Variants in MYO1E observed in about 807,000 individuals in gnomAD.
MYO1E encodes the protein myosin IE.
In MYO1E, 68 loss-of-function variants were observed where a neutral mutation model predicts 151.1. The ratio of observed to expected loss-of-function variants is 0.45; its 90% CI spans 0.37 to 0.55. The LOEUF is 0.55. Ranked by LOEUF, MYO1E falls within the 20% of genes least tolerant of loss-of-function variation. MYO1E has a pLI of 0.00. For synonymous variants in MYO1E, 601 were observed against 501.7 expected, an observed-to-expected ratio of 1.20 and a Z score of -2.64; for missense variants, 1,363 against 1,389.3, an observed-to-expected ratio of 0.98 and a Z score of 0.30.
At chr15:59,181,962 T>C (rs2079663867) in intron 18 of MYO1E, among the ~76,000 whole-genome samples, 1 of 152,176 alleles carries the variant, frequency 6.6e-6, no homozygotes, top group African/African-American at 2.4e-5. Flanking sequence ...TAGAGCATCA[T>C]AGGATGAGAC....
chr15:59,148,600 G>A (rs775235000), intron 26 of MYO1E, among the ~76,000 whole-genome samples: 47 of 152,178 alleles, frequency 3.1e-4, no homozygotes, highest in Non-Finnish European at 1.5e-4. Context: ...ATGTCTGCCT[G>A]GGCCAGGATA....
At chr15:59,355,166 A>G (rs1281285514) in intron 1 of MYO1E, among the ~76,000 whole-genome samples, 1 of 152,182 alleles carries the variant, frequency 6.6e-6, no homozygotes, top group Non-Finnish European at 1.5e-5. Flanking sequence ...TGCCAGAAAT[A>G]CAAACACAAA....
chr15:59,214,545 T>C, intron 11 of MYO1E, 95 bp downstream of exon 11: 2 of 1,249,252 alleles, frequency 1.6e-6, no homozygotes, highest in Admixed American at 3.4e-5. Context: ...GTTTGTTTTC[T>C]GTTTTTTTGT....
intron 4 of MYO1E, among the ~76,000 whole-genome samples, chr15:59,239,375 A>G (rs771585894): frequency 1.3e-5 from 2 of 151,726 alleles, no homozygotes; most frequent in African/African-American, 2.4e-5. Context: ...ATAAGTATGT[A>G]TATTTTCCTT....
chr15:59,287,561 A>G (rs1473205607), intron 1 of MYO1E, among the ~76,000 whole-genome samples: 1 of 152,198 alleles, frequency 6.6e-6, no homozygotes, highest in Non-Finnish European at 1.5e-5. Context: ...ATCTTTATTA[A>G]AGGTTCAACA....
chr15:59,257,297 C>CCA (rs1403614990), intron 3 of MYO1E, among the ~76,000 whole-genome samples: 14 of 152,012 alleles, frequency 9.2e-5, no homozygotes, highest in South Asian at 4.2e-4. Context: ...AGTCTAGTCT[C>CCA]CACACACACA....
intron 17 of MYO1E, 37 bp from the exon 18 acceptor site, chr15:59,188,253 G>C (rs748554754): frequency 6.5e-7 from 1 of 1,530,976 alleles, no homozygotes; most frequent in Non-Finnish European, 9.0e-7. Context: ...GACATTACTG[G>C]ATAATCCTTT....
chr15:59,307,823 T>C (rs2080524003), intron 1 of MYO1E, among the ~76,000 whole-genome samples: 1 of 151,716 alleles, frequency 6.6e-6, no homozygotes, highest in African/African-American at 2.4e-5. Flanking sequence ...TTGGTCAGGC[T>C]GGTCTTGAAC....
chr15:59,258,079 G>A (rs2080204225), intron 3 of MYO1E, among the ~76,000 whole-genome samples: 1 of 152,204 alleles, frequency 6.6e-6, no homozygotes, highest in Non-Finnish European at 1.5e-5. Flanking sequence ...GCTGGCCCTG[G>A]CTCAGGCCTG....
intron 15 of MYO1E, among the ~76,000 whole-genome samples, chr15:59,204,764 T>C (rs2079822205): frequency 6.6e-6 from 1 of 152,184 alleles, no homozygotes; most frequent in Admixed American, 6.5e-5. Context: ...CTTCAGTACT[T>C]CAGGGACTCT....
intron 4 of MYO1E, among the ~76,000 whole-genome samples, chr15:59,243,733 C>G (rs2080113577): frequency 6.6e-6 from 1 of 152,130 alleles, no homozygotes; most frequent in African/African-American, 2.4e-5. Flanking sequence ...TTTAAGCAAG[C>G]CTTCTGCCAA....
At chr15:59,212,990 G>C (rs575487287) in intron 12 of MYO1E, among the ~76,000 whole-genome samples, 66 of 152,096 alleles carry the variant, frequency 4.3e-4, no homozygotes, top group African/African-American at 1.5e-3. Context: ...AGGACTTCTT[G>C]ACTTCAGACT....
chr15:59,195,228 C>G (rs2079759355), intron 17 of MYO1E, among the ~76,000 whole-genome samples: 2 of 152,168 alleles, frequency 1.3e-5, no homozygotes, highest in Non-Finnish European at 2.9e-5. Context: ...CCAGACTAGC[C>G]AAGATCAACA....
At chr15:59,165,802 A>G (rs2079560121) in intron 22 of MYO1E, among the ~76,000 whole-genome samples, 1 of 152,234 alleles carries the variant, frequency 6.6e-6, no homozygotes, top group African/African-American at 2.4e-5. Context: ...TGCATTAGGT[A>G]GAGTGCATGC....
chr15:59,153,048 T>G lies in MYO1E; in HGVS notation c.3080+542A>C, dbSNP rs555940256. Among the ~76,000 whole-genome samples, 3 of 152,206 alleles carry G rather than the reference T, an allele frequency of 2.0e-5. No individual in the cohort carries two copies. In the East Asian group the frequency reaches 5.8e-4, roughly 29 times the overall value. On this transcript the variant is annotated intron_variant, in intron 26 of 27. Coordinates refer to ENST00000288235, the MANE Select transcript of MYO1E (RefSeq NM_004998.4). Reference sequence around the variant, plus strand: ...TAGCTCTTTTAATATCTACACAGAGTTTCAGGAATCTTCACTTCCTCCGGC... The same window carrying G: ...TAGCTCTTTTAATATCTACACAGAGGTTCAGGAATCTTCACTTCCTCCGGC...
intron 16 of MYO1E, among the ~76,000 whole-genome samples, chr15:59,197,937 C>T (rs2079777801): frequency 6.6e-6 from 1 of 152,222 alleles, no homozygotes; most frequent in Non-Finnish European, 1.5e-5. Context: ...TCACAGCTCA[C>T]TGGAGCCTTG....
At chr15:59,139,281 C>G (rs1286469912) in intron 26 of MYO1E, among the ~76,000 whole-genome samples, 2 of 135,196 alleles carry the variant, frequency 1.5e-5, no homozygotes, top group Admixed American at 1.5e-4. Flanking sequence ...CTCATTATTA[C>G]TCCTCAGGCT....
intron 22 of MYO1E, among the ~76,000 whole-genome samples, chr15:59,168,082 C>A (rs2079572159): frequency 6.6e-6 from 1 of 152,150 alleles, no homozygotes; most frequent in Non-Finnish European, 1.5e-5. Context: ...CTATTTCTAC[C>A]TGTTGGGATC....
intron 1 of MYO1E, among the ~76,000 whole-genome samples, chr15:59,314,364 G>C (rs1440078187): frequency 2.6e-5 from 4 of 152,290 alleles, no homozygotes; most frequent in Non-Finnish European, 4.4e-5. Context: ...AGTTATTCCT[G>C]GACTCTCTTG....
Sources: allele counts gnomAD v4.1 joint callset (sites outside exome capture counted in the v4.1 genomes callset), GRCh38; gene constraint gnomAD v4.1.1; transcripts MANE v1.5; gene names NCBI Gene and HGNC (gene_info 2026-07-23, HGNC 2026-07-21).